Variants in FBXL7 observed in about 807,000 individuals in gnomAD.
FBXL7 encodes the protein F-box and leucine rich repeat protein 7.
Under a neutral mutation model 38.3 loss-of-function variants are expected in FBXL7, and 12 were observed. That is an observed-to-expected ratio of 0.31 (90% CI 0.20 to 0.51). The LOEUF (loss-of-function observed/expected upper bound fraction) is 0.51, where lower values mean the gene tolerates loss of function less well. FBXL7 is among the 20% of genes least tolerant of loss of function. The probability of loss-of-function intolerance (pLI) is 0.98; values close to 1 mark genes in which losing one functional copy is unlikely to be tolerated. For synonymous variants in FBXL7, 297 were observed against 300.9 expected, an observed-to-expected ratio of 0.99 and a Z score of 0.13; for missense variants, 567 against 676.4, an observed-to-expected ratio of 0.84 and a Z score of 1.79.
intron 1 of FBXL7, among the ~76,000 whole-genome samples, chr5:15,592,638 A>G (rs1739515736): frequency 6.6e-6 from 1 of 152,196 alleles, no homozygotes; most frequent in South Asian, 2.1e-4. Context: ...GTGTTTTATA[A>G]TAACGGATTT....
chr5:15,626,538 C>G (rs1001720940), intron 2 of FBXL7, among the ~76,000 whole-genome samples: 1 of 106,874 alleles, frequency 9.4e-6, no homozygotes, highest in East Asian at 4.1e-4. Flanking sequence ...GAAGAAAATT[C>G]GTTTCCTGTG....
chr5:15,787,742 T>G (rs1737167823), intron 2 of FBXL7, among the ~76,000 whole-genome samples: 1 of 152,158 alleles, frequency 6.6e-6, no homozygotes, highest in Non-Finnish European at 1.5e-5. Context: ...AGGAAAGAAA[T>G]AATTTCAGGG....
At chr5:15,780,605 A>C (rs1736967785) in intron 2 of FBXL7, among the ~76,000 whole-genome samples, 1 of 152,180 alleles carries the variant, frequency 6.6e-6, no homozygotes, top group South Asian at 2.1e-4. Flanking sequence ...GAGCTCAGGG[A>C]GTCCTGTGTG....
Position 15,928,417 on chromosome 5 carries a change from G to C in FBXL7, c.655G>C (p.Val219Leu), listed in dbSNP as rs1398542464. 1 of 1,614,076 alleles carries C rather than the reference G, an allele frequency of 6.2e-7. No homozygotes were observed. Among genetic ancestry groups the C allele is most frequent in the Non-Finnish European group, 8.5e-7 (1 of 1,179,906 alleles). The change falls in exon 3 of 4, where the codon GTC becomes CTC. Residue 219 changes from valine (V) to leucine (L), a missense_variant. Physicochemically the swap from Val to Leu is conservative, Grantham distance 32 (BLOSUM62 1). Coordinates refer to ENST00000504595, the MANE Select transcript of FBXL7 (RefSeq NM_012304.5). The surrounding 1 kb of genome is among the most constrained non-coding windows in gnomAD (Gnocchi z 4.0). ...CTGCCCCGAACTGAGGCGACTGGAAGTCTCAGGCTGTTACAATATCTCCAA... is the reference window on the plus strand; with the variant it reads ...CTGCCCCGAACTGAGGCGACTGGAACTCTCAGGCTGTTACAATATCTCCAA... ...QCCPELRRLE[V>L]SGCYNISNEA...
intron 2 of FBXL7, among the ~76,000 whole-genome samples, chr5:15,662,146 T>C (rs1420605928): frequency 1.3e-5 from 2 of 152,176 alleles, no homozygotes; most frequent in Non-Finnish European, 2.9e-5. Context: ...ACCCCAACAG[T>C]GTATAAGTGT....
At chr5:15,596,552 A>G (rs1334968527) in intron 1 of FBXL7, among the ~76,000 whole-genome samples, 4 of 152,236 alleles carry the variant, frequency 2.6e-5, no homozygotes, top group Non-Finnish European at 2.9e-5. Context: ...CTTGAATTAA[A>G]TTAAGAAAAA....
intron 1 of FBXL7, among the ~76,000 whole-genome samples, chr5:15,508,293 A>C (rs1248488250): frequency 6.6e-6 from 1 of 152,222 alleles, no homozygotes; most frequent in Non-Finnish European, 1.5e-5. Context: ...TACTCAATGC[A>C]TGGGCTTTTG....
chr5:15,778,958 T>A (rs1736925687), intron 2 of FBXL7, among the ~76,000 whole-genome samples: 2 of 152,198 alleles, frequency 1.3e-5, no homozygotes, highest in African/African-American at 4.8e-5. Context: ...GATAGGAGAT[T>A]CACTGTAAGA....
chr5:15,602,552 TCAAGTG>T (rs1243481340), intron 1 of FBXL7, among the ~76,000 whole-genome samples: 9 of 152,236 alleles, frequency 5.9e-5, no homozygotes, highest in Admixed American at 5.2e-4. Flanking sequence ...GAGTTGACCA[TCAAGTG>T]CAGAAGACAG....
At chr5:15,866,535 C>CT (rs933021339) in intron 2 of FBXL7, among the ~76,000 whole-genome samples, 5 of 151,490 alleles carry the variant, frequency 3.3e-5, no homozygotes, top group South Asian at 2.1e-4. Context: ...ATGCCCATTA[C>CT]TTTTTTTTTA....
intron 2 of FBXL7, among the ~76,000 whole-genome samples, chr5:15,869,843 C>T (rs1418747171): frequency 6.6e-6 from 1 of 152,130 alleles, no homozygotes; most frequent in Non-Finnish European, 1.5e-5. Context: ...GCCATGGTGG[C>T]TCACACCTGT....
At chr5:15,677,966 G>A (rs77288418) in intron 2 of FBXL7, among the ~76,000 whole-genome samples, 27,698 of 151,960 alleles carry the variant, frequency 0.18, 2,750 homozygotes, top group East Asian at 0.35. Context: ...CCTTTCAGCC[G>A]GAACATTACG....
chr5:15,661,378 T>C (rs182502022), intron 2 of FBXL7, among the ~76,000 whole-genome samples: 122 of 136,710 alleles, frequency 8.9e-4, no homozygotes, highest in Admixed American at 2.4e-3. Flanking sequence ...CCGTTCTAAG[T>C]TGTATCTTGT....
intron 3 of FBXL7, among the ~76,000 whole-genome samples, chr5:15,929,275 A>G (rs1435304509): frequency 6.6e-6 from 1 of 152,228 alleles, no homozygotes; most frequent in Non-Finnish European, 1.5e-5. Context: ...AAAATTCTCA[A>G]TTACACAGTG....
At chr5:15,669,307 A>T (rs143986970) in intron 2 of FBXL7, among the ~76,000 whole-genome samples, 45 of 152,298 alleles carry the variant, frequency 3.0e-4, no homozygotes, top group African/African-American at 1.0e-3. Context: ...GAGTTTGAAG[A>T]TAAGTTCAGG....
intron 2 of FBXL7, among the ~76,000 whole-genome samples, chr5:15,888,088 A>G (rs2126364809): frequency 6.6e-6 from 1 of 152,332 alleles, no homozygotes; most frequent in East Asian, 1.9e-4. Flanking sequence ...AAGTGCTTTT[A>G]TAGTAACTAA....
chr5:15,586,953 GT>G (rs1739325858), intron 1 of FBXL7, among the ~76,000 whole-genome samples: 1 of 152,164 alleles, frequency 6.6e-6, no homozygotes, highest in Non-Finnish European at 1.5e-5. Context: ...AGTTCTATCT[GT>G]TTCTCTCCAT....
intron 2 of FBXL7, among the ~76,000 whole-genome samples, chr5:15,917,670 GAAGGAAGGAAGGAAGGAAGGAAGGAAGA>G (rs1335040038): frequency 2.9e-5 from 4 of 140,162 alleles, no homozygotes; most frequent in Admixed American, 7.4e-5. Context: ...AGGAAGGAAG[GAAGGAAGGAAGGAAGGAAGGAAGGAAGA>G]AAGAAAGGAA....
chr5:15,677,311 A>T (rs1742692200), intron 2 of FBXL7, among the ~76,000 whole-genome samples: 1 of 152,080 alleles, frequency 6.6e-6, no homozygotes, highest in Non-Finnish European at 1.5e-5. Flanking sequence ...CTCTACTAAA[A>T]CAAAAATTAG....
Sources: allele counts gnomAD v4.1 joint callset (sites outside exome capture counted in the v4.1 genomes callset), GRCh38; gene constraint gnomAD v4.1.1; non-coding constraint Gnocchi (gnomAD v3.1); transcripts MANE v1.5; gene names NCBI Gene and HGNC (gene_info 2026-07-23, HGNC 2026-07-21).